Variants in RAP1GAP2 observed in about 807,000 individuals in gnomAD.
RAP1GAP2 encodes RAP1 GTPase activating protein 2, also known as rap1 GTPase-activating protein 2.
In RAP1GAP2, 27 loss-of-function variants were observed where a neutral mutation model predicts 95.0. The ratio of observed to expected loss-of-function variants is 0.28; its 90% confidence interval spans 0.21 to 0.39. RAP1GAP2 has a LOEUF of 0.39. RAP1GAP2 is among the 10% of genes least tolerant of loss of function. The probability of loss-of-function intolerance (pLI) is 1.00; values close to 1 mark genes in which losing one functional copy is unlikely to be tolerated. For missense variants in RAP1GAP2, 771 were observed against 970.0 expected, an observed-to-expected ratio of 0.79 and a Z score of 2.72; for synonymous variants, 373 against 380.9, an observed-to-expected ratio of 0.98 and a Z score of 0.24.
At chr17:2,999,929 C>T (rs1454942027) in intron 14 of RAP1GAP2, among the ~76,000 whole-genome samples, 2 of 152,270 alleles carry the variant, frequency 1.3e-5, no homozygotes, top group East Asian at 1.9e-4. Context: ...CTGGCGAAGA[C>T]ATGGTGTGAG....
chr17:2,995,107 G>A (rs58962072), intron 12 of RAP1GAP2, among the ~76,000 whole-genome samples: 4 of 152,050 alleles, frequency 2.6e-5, no homozygotes, highest in Non-Finnish European at 5.9e-5. Flanking sequence ...GAGCCACTGC[G>A]CCCGGCCAGC....
intron 2 of RAP1GAP2, among the ~76,000 whole-genome samples, chr17:2,852,881 T>G (rs2071925359): frequency 6.6e-6 from 1 of 151,976 alleles, no homozygotes; most frequent in African/African-American, 2.4e-5. Flanking sequence ...GGCGCGACCT[T>G]CCGACCTTCC....
intron 8 of RAP1GAP2, among the ~76,000 whole-genome samples, chr17:2,972,963 C>T (rs137940582): frequency 3.3e-5 from 5 of 152,198 alleles, no homozygotes; most frequent in African/African-American, 1.2e-4. Context: ...TTTCTGTTCT[C>T]GGTCTTACTC....
At chr17:2,778,861 T>C (rs1261640280) in intron 1 of RAP1GAP2, among the ~76,000 whole-genome samples, 3 of 152,208 alleles carry the variant, frequency 2.0e-5, no homozygotes, top group Admixed American at 1.3e-4. Flanking sequence ...ACCACTCTCC[T>C]GGGCGGTGTT....
In RAP1GAP2 at chr17:3,003,970, C is replaced by T. The variant is rs527296514; in HGVS notation, c.1201-1399C>T. On this transcript the variant is annotated intron_variant, in intron 14 of 24. Transcript: ENST00000254695. This position sits in a 1 kb window ranked among gnomAD's most constrained non-coding sequence, Gnocchi z 4.1. ...GAGGATGTGTCTGAAGCCACTTACA[C>T]GGTCGGCACAGACCACTCTAATGCA... Among the ~76,000 whole-genome samples the T allele has an allele frequency of 3.3e-5, 5 of 151,998 alleles. No individual in the cohort carries two copies. Among genetic ancestry groups the T allele is most frequent in the South Asian group, 2.1e-4 (1 of 4,812 alleles).
intron 2 of RAP1GAP2, among the ~76,000 whole-genome samples, chr17:2,860,543 G>T (rs1352762158): frequency 2.0e-5 from 3 of 149,100 alleles, no homozygotes; most frequent in Non-Finnish European, 4.4e-5. Context: ...ATAGAACCAG[G>T]TCTCTCTCCT....
At position 2,930,364 on chromosome 17, in the gene RAP1GAP2, G is replaced by A. The variant is rs961018255; in HGVS notation, c.165+24996G>A. ...GCTGGGTAGACCCAGAGGGTCAGGC[G>A]GCCAGGAACTGGGACCCTGCCCTGC... On this transcript the variant is annotated intron_variant, in intron 3 of 24. Transcript: ENST00000254695. Among the ~76,000 whole-genome samples, 12 of 152,222 alleles carry A rather than the reference G, an allele frequency of 7.9e-5. No homozygotes were observed. In the South Asian group the frequency reaches 1.0e-3, roughly 13 times the overall value.
chr17:2,882,075 T>C (rs7219766), intron 2 of RAP1GAP2, among the ~76,000 whole-genome samples: 35,073 of 150,526 alleles, frequency 0.23, 4,262 homozygotes, highest in African/African-American at 0.28. Flanking sequence ...TTGCCTCAGT[T>C]TCTCAAAGTG....
At chr17:2,952,016 A>G (rs1276877653) in intron 3 of RAP1GAP2, among the ~76,000 whole-genome samples, 2 of 150,390 alleles carry the variant, frequency 1.3e-5, no homozygotes, top group Non-Finnish European at 2.9e-5. Context: ...CCTGGGCGAT[A>G]GAGTGAGACT....
At chr17:3,020,065 G>C (rs1213791464) in intron 18 of RAP1GAP2, among the ~76,000 whole-genome samples, 2 of 152,250 alleles carry the variant, frequency 1.3e-5, no homozygotes, top group Non-Finnish European at 2.9e-5. Flanking sequence ...CACCCTGCCA[G>C]TGATTTGCTG....
chr17:3,011,113 A>G (rs1203197953), intron 17 of RAP1GAP2, among the ~76,000 whole-genome samples: 2 of 151,786 alleles, frequency 1.3e-5, no homozygotes, highest in African/African-American at 4.8e-5. Flanking sequence ...TTTTTAGTAG[A>G]GACGAGGTTT....
Position 2,758,086 on chromosome 17 carries a change from G to A in RAP1GAP2, c.50+2319G>A, listed in dbSNP as rs562129063. Among the ~76,000 whole-genome samples the A allele has an allele frequency of 2.3e-4, 35 of 150,510 alleles. 1 individual carries two copies. The highest frequency in any genetic ancestry group is 2.1e-3 in the Admixed American group (31 of 14,986). On this transcript the variant is annotated intron_variant, in intron 1 of 25. Transcript: ENST00000637138. ...GGGTTTCACCATGTTAGCCCGGATG[G>A]TGTCGATCTCCTGACCTCATGATCC...
At chr17:2,755,925 C>T (rs1332070473) in intron 1 of RAP1GAP2, among the ~76,000 whole-genome samples, 2 of 151,832 alleles carry the variant, frequency 1.3e-5, no homozygotes, top group Admixed American at 6.6e-5. Context: ...GTCCCCACCA[C>T]CCCCTCCGGT....
At chr17:3,014,195 C>T (rs1164213990) in intron 17 of RAP1GAP2, among the ~76,000 whole-genome samples, 4 of 140,912 alleles carry the variant, frequency 2.8e-5, no homozygotes, top group Non-Finnish European at 3.1e-5. Context: ...CTATAGGGCG[C>T]GTGGCTGCCA....
At chr17:2,978,084 T>G (rs2045204875) in intron 8 of RAP1GAP2, among the ~76,000 whole-genome samples, 1 of 152,196 alleles carries the variant, frequency 6.6e-6, no homozygotes, top group African/African-American at 2.4e-5. Flanking sequence ...GGGCATAACT[T>G]TTGCAGTTTG....
intron 2 of RAP1GAP2, among the ~76,000 whole-genome samples, chr17:2,823,224 G>A (rs1193844764): frequency 1.3e-5 from 2 of 152,130 alleles, no homozygotes; most frequent in South Asian, 2.1e-4. Context: ...AAGCCCTATC[G>A]GCCAGGGAGT....
intron 2 of RAP1GAP2, among the ~76,000 whole-genome samples, chr17:2,850,222 G>C (rs371894218): frequency 6.0e-5 from 9 of 150,020 alleles, no homozygotes; most frequent in Non-Finnish European, 7.4e-5. Context: ...GGATGGTCTC[G>C]ATCTCCTGAC....
At chr17:2,765,286 G>C (rs963387260) in intron 1 of RAP1GAP2, among the ~76,000 whole-genome samples, 1 of 152,162 alleles carries the variant, frequency 6.6e-6, no homozygotes, top group African/African-American at 2.4e-5. Context: ...CCAGCACCAG[G>C]TCCTGCCAAC....
At chr17:2,964,102 G>T in intron 7 of RAP1GAP2, 34 bp downstream of exon 7, 2 of 1,570,022 alleles carry the variant, frequency 1.3e-6, no homozygotes, top group Non-Finnish European at 1.7e-6. Context: ...CTGGGGGTTG[G>T]GGGCAGAGGC....
Sources: gnomAD v4.1 joint callset for allele counts (sites outside exome capture counted in the v4.1 genomes callset) on GRCh38, gnomAD v4.1.1 for gene constraint, Gnocchi (gnomAD v3.1) non-coding constraint, MANE v1.5 for transcripts, NCBI Gene and HGNC (gene_info 2026-07-23, HGNC 2026-07-21) for gene names.